DLG1: variants seen among roughly 807,000 people sequenced by gnomAD.
The protein encoded by DLG1 is discs large MAGUK scaffold protein 1.
DLG1 carries 42 observed loss-of-function variants against 123.4 expected under a neutral mutation model. That is an observed-to-expected ratio of 0.34 (90% CI 0.27 to 0.44). The LOEUF (loss-of-function observed/expected upper bound fraction) is 0.44. DLG1 is among the 20% of genes least tolerant of loss of function. The pLI is 1.00. For missense variants in DLG1, 942 were observed against 1,082.6 expected (o/e 0.87, Z 1.82); for synonymous variants, 317 against 356.2 (o/e 0.89, Z 1.24).
At chr3:197,138,442 T>G in intron 8 of DLG1, 51 bp from the exon 9 acceptor site, 1 of 1,041,238 alleles carries the variant, frequency 9.6e-7, no homozygotes, top group African/African-American at 1.7e-5. Flanking sequence ...AATTTAAATA[T>G]AAATTTTCCA....
intron 15 of DLG1, among the ~76,000 whole-genome samples, chr3:197,089,227 T>A (rs575204330): frequency 6.6e-6 from 1 of 152,046 alleles, no homozygotes; most frequent in African/African-American, 2.4e-5. Flanking sequence ...TTAGATAATA[T>A]ATGGTTTTAA....
At chr3:197,221,269 G>A (rs1479782866) in intron 4 of DLG1, among the ~76,000 whole-genome samples, 2 of 152,314 alleles carry the variant, frequency 1.3e-5, no homozygotes, top group South Asian at 4.1e-4. Context: ...TGTAATCCCA[G>A]CACTTTGAGA....
chr3:197,105,021 A>C lies in DLG1; in HGVS notation c.1444-16T>G. 6.6e-7 allele frequency: 1 copy of C among 1,513,908 alleles called. No homozygotes were observed. The highest frequency in any genetic ancestry group is 9.0e-7 in the Non-Finnish European group (1 of 1,105,212). 93.8% of individuals were successfully genotyped at this position (1,513,908 alleles called of 1,614,324 possible). A position where few individuals can be genotyped will look rare whatever the true frequency, so the allele number is the denominator to read the frequency against. On this transcript the variant is annotated splice_polypyrimidine_tract_variant and intron_variant, in intron 13 of 24. Coordinates refer to ENST00000667157, the MANE Select transcript of DLG1 (RefSeq NM_001366207.1). The stretch of plus-strand genomic sequence containing the variant: ...CACTGTTTACCTGTAAATCAAACCA[A>C]ATCTTAATTTGGGAGAAAAGAATCA...
intron 5 of DLG1, among the ~76,000 whole-genome samples, chr3:197,156,201 G>A (rs1328557775): frequency 6.6e-6 from 1 of 152,126 alleles, no homozygotes; most frequent in African/African-American, 2.4e-5. Flanking sequence ...AAGGGGCAGA[G>A]GTTTTGTATA....
At chr3:197,189,001 GGAAT>G (rs1176807826) in intron 5 of DLG1, among the ~76,000 whole-genome samples, 2 of 152,132 alleles carry the variant, frequency 1.3e-5, no homozygotes, top group Admixed American at 1.3e-4. Flanking sequence ...CAGTAACCTA[GGAAT>G]GAAAGAGGGG....
intron 4 of DLG1, among the ~76,000 whole-genome samples, chr3:197,242,618 T>A (rs757545196): frequency 1.2e-4 from 18 of 151,114 alleles, no homozygotes; most frequent in Non-Finnish European, 2.1e-4. Context: ...TAAAAATACA[T>A]ATCAATAAAA....
chr3:197,087,800 G>T (rs1362549458), intron 15 of DLG1, among the ~76,000 whole-genome samples: 1 of 152,158 alleles, frequency 6.6e-6, no homozygotes, highest in African/African-American at 2.4e-5. Context: ...GGTAGGCAGG[G>T]ATAAGTTACT....
At chr3:197,234,105 G>T (rs73088432) in intron 4 of DLG1, among the ~76,000 whole-genome samples, 1,636 of 152,322 alleles carry the variant, frequency 0.011, 32 homozygotes, top group African/African-American at 0.037. Context: ...TCAACACACA[G>T]TCTTTAAGGA....
intron 13 of DLG1, among the ~76,000 whole-genome samples, chr3:197,108,753 T>C (rs542288860): frequency 2.0e-5 from 3 of 152,332 alleles, no homozygotes; most frequent in African/African-American, 4.8e-5. Context: ...TTTTGTGTCT[T>C]TGAGTCTAAA....
chr3:197,110,883 C>T (rs145596540), intron 13 of DLG1, among the ~76,000 whole-genome samples: 77 of 152,264 alleles, frequency 5.1e-4, no homozygotes, highest in African/African-American at 1.7e-3. Context: ...TGCCTTAAAT[C>T]GCTTGCACAG....
intron 4 of DLG1, among the ~76,000 whole-genome samples, chr3:197,239,328 A>G (rs1747664606): frequency 6.6e-6 from 1 of 152,298 alleles, no homozygotes; most frequent in Non-Finnish European, 1.5e-5. Context: ...CTGAATAAGT[A>G]ATCAAAAATC....
At chr3:197,215,125 T>C (rs1733422856) in intron 4 of DLG1, among the ~76,000 whole-genome samples, 2 of 152,234 alleles carry the variant, frequency 1.3e-5, no homozygotes, top group South Asian at 2.1e-4. Context: ...ACAAATGATA[T>C]TACTATTTGT....
chr3:197,220,489 G>A (rs1406469181), intron 4 of DLG1, among the ~76,000 whole-genome samples: 8 of 152,112 alleles, frequency 5.3e-5, no homozygotes, highest in African/African-American at 1.9e-4. Flanking sequence ...ATATCACAGT[G>A]TAGTTCTAAA....
chr3:197,202,557 A>T (rs1195953449), intron 4 of DLG1, among the ~76,000 whole-genome samples: 1 of 152,026 alleles, frequency 6.6e-6, no homozygotes, highest in Non-Finnish European at 1.5e-5. Flanking sequence ...GAGAAGAAAA[A>T]CTCTTAGCAA....
At chr3:197,114,748 C>A (rs1427614098) in intron 13 of DLG1, among the ~76,000 whole-genome samples, 1 of 151,814 alleles carries the variant, frequency 6.6e-6, no homozygotes, top group Non-Finnish European at 1.5e-5. Flanking sequence ...TTTGGGAGGC[C>A]GAGGTGGGAG....
Position 197,105,003 on chromosome 3 carries a change from T to C in DLG1, c.1446A>G (p.Val482=). ...TAGCAGCTCTGAGGTCAACACTGTT[T>C]ACCTGTAAATCAAACCAAATCTTAA... is the stretch of plus-strand genomic sequence containing the variant. ...ELRKGDRIIS[V]NSVDLRAASH... is the part of the protein sequence containing the mutation. The change falls in exon 14 of 25, where the codon GTA becomes GTG. Residue 482 remains valine (V), a splice_region_variant and synonymous_variant. Transcript: ENST00000667157. The C allele has an allele frequency of 6.3e-7, 1 of 1,588,374 alleles. No individual in the cohort carries two copies.
Position 197,247,003 on chromosome 3 carries a change from G to A in DLG1, c.318+35676C>T, listed in dbSNP as rs73088442. ...ATTCACTCAGCCCAAGTATACAGCT[G>A]TGGCCCTAAGAATTGATCAATTTGA... On this transcript the variant is annotated intron_variant, in intron 4 of 24. Coordinates refer to ENST00000667157, the MANE Select transcript of DLG1 (RefSeq NM_001366207.1). Among the ~76,000 whole-genome samples, 173 of 152,318 alleles carry A rather than the reference G, an allele frequency of 1.1e-3. 2 individuals carry two copies. The highest frequency in any genetic ancestry group is 4.0e-3 in the African/African-American group (166 of 41,574).
At chr3:197,257,101 A>T (rs867495821) in intron 4 of DLG1, among the ~76,000 whole-genome samples, 1 of 152,140 alleles carries the variant, frequency 6.6e-6, no homozygotes, top group African/African-American at 2.4e-5. Context: ...AAAAAAATCT[A>T]AAAAATCTGA....
intron 5 of DLG1, among the ~76,000 whole-genome samples, chr3:197,162,146 A>C (rs1268482160): frequency 6.6e-6 from 1 of 152,220 alleles, no homozygotes. Flanking sequence ...TTATTAGCCC[A>C]ATCAGGCAGA....
Sources: gnomAD v4.1 joint callset for allele counts (sites outside exome capture counted in the v4.1 genomes callset) on GRCh38, gnomAD v4.1.1 for gene constraint, MANE v1.5 for transcripts, NCBI Gene and HGNC (gene_info 2026-07-23, HGNC 2026-07-21) for gene names.